Variants in SVEP1 observed in about 807,000 individuals in gnomAD.
SVEP1 encodes sushi, von Willebrand factor type A, EGF and pentraxin domain-containing protein 1.
SVEP1 carries 164 observed loss-of-function variants against 367.3 expected under a neutral mutation model. The observed-to-expected ratio is 0.45, with a 90% CI of 0.39 to 0.51. SVEP1 has a LOEUF of 0.51. SVEP1 is among the 20% of genes least tolerant of loss of function. The pLI is 0.00. For missense variants in SVEP1, 4,117 were observed against 4,425.3 expected (o/e 0.93, Z 1.98); for synonymous variants, 1,666 against 1,611.6 (o/e 1.03, Z -0.81).
intron 8 of SVEP1, among the ~76,000 whole-genome samples, chr9:110,493,211 TG>T (rs993327350): frequency 6.0e-5 from 9 of 151,032 alleles, no homozygotes; most frequent in Non-Finnish European, 1.3e-4. Context: ...TGTAAGGGGT[TG>T]GGGAGGGGGT....
intron 18 of SVEP1, among the ~76,000 whole-genome samples, chr9:110,460,408 T>C (rs1358153043): frequency 1.3e-5 from 2 of 152,194 alleles, no homozygotes; most frequent in African/African-American, 2.4e-5. Context: ...TTATCAATCA[T>C]GTACTATAAG....
At chr9:110,467,058 G>A (rs1183670962) in intron 17 of SVEP1, among the ~76,000 whole-genome samples, 2 of 151,890 alleles carry the variant, frequency 1.3e-5, no homozygotes, top group African/African-American at 2.4e-5. Flanking sequence ...TTCCAATTAC[G>A]TAGCACTGCT....
intron 13 of SVEP1, among the ~76,000 whole-genome samples, chr9:110,478,263 G>A (rs190099900): frequency 2.6e-5 from 4 of 152,198 alleles, no homozygotes; most frequent in South Asian, 2.1e-4. Context: ...CATAGCATAC[G>A]CCATCTGACA....
chr9:110,447,141 A>G, intron 24 of SVEP1, 84 bp from the exon 25 acceptor site: 3 of 1,249,244 alleles, frequency 2.4e-6, no homozygotes, highest in Non-Finnish European at 3.1e-6. Context: ...AAAGACTTTG[A>G]AAATTGAAAT....
chr9:110,394,942 C>T (rs6477766), intron 40 of SVEP1, among the ~76,000 whole-genome samples: 1,887 of 152,116 alleles, frequency 0.012, 13 homozygotes, highest in Non-Finnish European at 0.017. Context: ...GATATTATCC[C>T]GGAGAACTTC....
rs181700617 is a variant in SVEP1 at position 110,464,513 on chromosome 9, C to G, written c.3322+1352G>C. On this transcript the variant is annotated intron_variant, in intron 18 of 47. Coordinates refer to ENST00000374469, the MANE Select transcript of SVEP1 (RefSeq NM_153366.4). ...GCAATGCTGGAAACGCCCCTTCCTG[C>G]CCTTGCACATTAACTTTTCCTACCT... Among the ~76,000 whole-genome samples, 16 of 152,294 alleles carry G rather than the reference C, an allele frequency of 1.1e-4. No homozygotes were observed. In the East Asian group the frequency reaches 3.1e-3, roughly 29 times the overall value.
chr9:110,479,894 T>C (rs1829159572), intron 12 of SVEP1, 138 bp from the exon 13 acceptor site: 1 of 1,221,900 alleles, frequency 8.2e-7, no homozygotes, highest in African/African-American at 1.5e-5. Context: ...AGATGACAGT[T>C]AAGGAGAGTT....
chr9:110,472,692 C>T (rs190669688), intron 14 of SVEP1, among the ~76,000 whole-genome samples: 1 of 152,070 alleles, frequency 6.6e-6, no homozygotes, highest in Non-Finnish European at 1.5e-5. Flanking sequence ...AAGGCTTTCT[C>T]CAATCCTTTT....
At chr9:110,424,331 G>T (rs1019044885) in intron 36 of SVEP1, among the ~76,000 whole-genome samples, 8 of 130,684 alleles carry the variant, frequency 6.1e-5, no homozygotes, top group Admixed American at 3.3e-4. Flanking sequence ...TGATTTACAT[G>T]TATTGAGAGG....
At chr9:110,521,764 T>C (rs746201366) in intron 3 of SVEP1, among the ~76,000 whole-genome samples, 40 of 152,198 alleles carry the variant, frequency 2.6e-4, no homozygotes, top group Non-Finnish European at 4.4e-4. Flanking sequence ...GCAAGTACTT[T>C]TAGGAGAGGC....
intron 22 of SVEP1, among the ~76,000 whole-genome samples, chr9:110,452,982 T>G (rs1188044123): frequency 6.6e-6 from 1 of 152,172 alleles, no homozygotes. Context: ...GGACTACCAG[T>G]GTTGCATGGA....
intron 27 of SVEP1, among the ~76,000 whole-genome samples, chr9:110,437,612 C>A (rs1828450173): frequency 6.6e-6 from 1 of 152,178 alleles, no homozygotes; most frequent in Non-Finnish European, 1.5e-5. Flanking sequence ...CAAGATTCTA[C>A]CCTGTGACTT....
chr9:110,565,035 A>G (rs1830474575), intron 1 of SVEP1, among the ~76,000 whole-genome samples: 1 of 152,186 alleles, frequency 6.6e-6, no homozygotes. Context: ...GAAAGATTTT[A>G]GTAAGCACTG....
rs1302712464 is a variant in SVEP1 at position 110,549,954 on chromosome 9, T to C, written c.682A>G (p.Ile228Val). Residue 228 changes from isoleucine (I) to valine (V), a missense_variant, in exon 2 of 48, where the codon ATT becomes GTT. Around this residue, in one of 4 missense-constraint regions of SVEP1, gnomAD observed 2,174 missense variants for 2,494.3 expected, o/e 0.87. Transcript: ENST00000374469. ...GAAGCCATGTCATTCAGCTCTCGAA[T>C]GTTCCCTTGCCATATGCCAAAAGTG... ...IFTFGIWQGN[I>V]RELNDMASTP... 7 of 1,613,912 alleles carry C rather than the reference T, an allele frequency of 4.3e-6. No homozygotes were observed. Among genetic ancestry groups the C allele is most frequent in the African/African-American group, 2.7e-5 (2 of 74,934 alleles).
chr9:110,542,683 T>C (rs564677007), intron 3 of SVEP1, among the ~76,000 whole-genome samples: 1 of 152,248 alleles, frequency 6.6e-6, no homozygotes, highest in African/African-American at 2.4e-5. Flanking sequence ...CTGCTCACTA[T>C]TGAATACCTA....
chr9:110,409,854 TAAAC>T (rs1017126313), intron 37 of SVEP1, among the ~76,000 whole-genome samples: 20 of 152,306 alleles, frequency 1.3e-4, no homozygotes, highest in African/African-American at 4.3e-4. Flanking sequence ...CATAAACAAA[TAAAC>T]AAAATTACTC....
At chr9:110,496,345 C>G (rs977194506) in intron 8 of SVEP1, among the ~76,000 whole-genome samples, 1 of 152,158 alleles carries the variant, frequency 6.6e-6, no homozygotes, top group Admixed American at 6.5e-5. Context: ...GCCACCTTGG[C>G]TAGAATAAAG....
chr9:110,574,179 G>C (rs549366560), intron 1 of SVEP1, among the ~76,000 whole-genome samples: 1 of 152,172 alleles, frequency 6.6e-6, no homozygotes, highest in Non-Finnish European at 1.5e-5. Context: ...TCTACATCTC[G>C]CGGTTTTTAT....
intron 1 of SVEP1, among the ~76,000 whole-genome samples, chr9:110,558,633 A>G (rs1169777615): frequency 6.6e-6 from 1 of 152,130 alleles, no homozygotes; most frequent in African/African-American, 2.4e-5. Flanking sequence ...CTAAAATGAA[A>G]AGAGAGATGT....
Sources: allele counts gnomAD v4.1 joint callset (sites outside exome capture counted in the v4.1 genomes callset), GRCh38; gene constraint gnomAD v4.1.1; regional missense constraint gnomAD v4.1.1; transcripts MANE v1.5; gene names NCBI Gene and HGNC (gene_info 2026-07-23, HGNC 2026-07-21).